The following MCM8 variants were observed in gnomAD, a reference collection of about 807,000 sequenced individuals.
The protein encoded by MCM8 is minichromosome maintenance 8 homologous recombination repair factor.
Under a neutral mutation model 98.9 loss-of-function variants are expected in MCM8, and 85 were observed. The observed-to-expected ratio is 0.86, with a 90% CI of 0.72 to 1.03. The LOEUF is 1.03. Among genes scored for constraint, MCM8 ranks in the 50% least tolerant of loss-of-function variants. The probability of loss-of-function intolerance (pLI) is 0.00; values close to 1 mark genes in which losing one functional copy is unlikely to be tolerated. For synonymous variants in MCM8, 352 were observed against 338.6 expected (o/e 1.04, Z -0.44); for missense variants, 951 against 997.8 (o/e 0.95, Z 0.63).
At chr20:5,956,107 G>T (rs536017715) in intron 5 of MCM8, among the ~76,000 whole-genome samples, 29 of 152,282 alleles carry the variant, frequency 1.9e-4, no homozygotes, top group African/African-American at 7.0e-4. Context: ...CATGCTTCAA[G>T]GTAATGAATA....
At chr20:5,967,733 A>G (rs2089306621) in intron 9 of MCM8, 97 bp from the exon 10 acceptor site, 2 of 1,348,150 alleles carry the variant, frequency 1.5e-6, no homozygotes, top group Non-Finnish European at 2.0e-6. Context: ...AAAAACATGT[A>G]TTTGTAGCTC....
intron 15 of MCM8, 29 bp downstream of exon 15, chr20:5,985,029 T>G: frequency 1.9e-6 from 3 of 1,581,056 alleles, no homozygotes; most frequent in Non-Finnish European, 1.7e-6. Context: ...CTTATTCAGT[T>G]TGGTTCTGTT....
chr20:5,973,195 A>G lies in MCM8; in HGVS notation c.1394A>G (p.Gln465Arg). The G allele has an allele frequency of 6.2e-7, 1 of 1,613,892 alleles. No homozygotes were observed. The highest frequency in any genetic ancestry group is 8.5e-7 in the Non-Finnish European group (1 of 1,179,862). Residue 465 changes from glutamine (Q) to arginine (R), a missense_variant and splice_region_variant, in exon 12 of 19, where the codon CAG becomes CGG. Coordinates refer to ENST00000610722, the MANE Select transcript of MCM8 (RefSeq NM_032485.6). ...GGCCTAGGAAAAAGTCAAATGCTAC[A>G]GGTAGACAATCAGTCATTTAGTGTT... is the stretch of plus-strand genomic sequence containing the variant. Reference protein sequence around the residue: ...DPGLGKSQMLQAACNVAPRGV... With the variant: ...DPGLGKSQMLRAACNVAPRGV...
At position 5,971,371 on chromosome 20, in the gene MCM8, C is replaced by T. The variant is rs563500150; in HGVS notation, c.1224-636C>T. ...CTTTGGTCTCTACAACCTCTTGCAT[C>T]CCAAACATTCCTTTCTATTGATCCC... On this transcript the variant is annotated intron_variant, in intron 10 of 18. Transcript: ENST00000610722. 2.4e-4 allele frequency among the ~76,000 whole-genome samples: 37 copies of T among 152,338 alleles called. 1 individual carries two copies. In the South Asian group the frequency reaches 7.2e-3, roughly 30 times the overall value.
chr20:5,985,624 C>T (rs1045871537), intron 15 of MCM8, among the ~76,000 whole-genome samples: 5 of 152,066 alleles, frequency 3.3e-5, no homozygotes, highest in Admixed American at 2.6e-4. Flanking sequence ...TGGCTCACTG[C>T]AACCTCTGTC....
chr20:5,991,450 T>C (rs1225130334), intron 17 of MCM8: 1 of 152,142 alleles, frequency 6.6e-6, no homozygotes, highest in Non-Finnish European at 1.5e-5. Context: ...AAGTTTCAGA[T>C]CAGTTTACAT....
At chr20:5,983,236 TC>T in intron 14 of MCM8, 71 bp downstream of exon 14, 2 of 1,292,980 alleles carry the variant, frequency 1.5e-6, no homozygotes, top group Non-Finnish European at 2.1e-6. Flanking sequence ...AAGAAATAGT[TC>T]ACAGAACTAC....
At chr20:5,951,571 T>G (rs1371077014) in intron 1 of MCM8, among the ~76,000 whole-genome samples, 1 of 152,202 alleles carries the variant, frequency 6.6e-6, no homozygotes, top group Non-Finnish European at 1.5e-5. Context: ...GGATTGACTG[T>G]ATGTAAGAAG....
intron 12 of MCM8, among the ~76,000 whole-genome samples, chr20:5,977,564 T>G (rs2089538342): frequency 1.3e-5 from 2 of 152,202 alleles, no homozygotes; most frequent in Non-Finnish European, 2.9e-5. Flanking sequence ...AACTTGAAAA[T>G]GAAGCATAAA....
intron 10 of MCM8, among the ~76,000 whole-genome samples, chr20:5,969,148 A>G (rs981818060): frequency 6.6e-6 from 1 of 152,246 alleles, no homozygotes; most frequent in African/African-American, 2.4e-5. Flanking sequence ...TGTACTTAAC[A>G]TAACTACTGC....
intron 14 of MCM8, 144 bp downstream of exon 14, chr20:5,983,309 C>A: frequency 1.5e-6 from 1 of 680,646 alleles, no homozygotes; most frequent in Non-Finnish European, 2.4e-6. Flanking sequence ...CAAAAATGTG[C>A]TTAAACACTG....
chr20:5,971,513 A>G (rs916675516), intron 10 of MCM8, among the ~76,000 whole-genome samples: 1 of 152,320 alleles, frequency 6.6e-6, no homozygotes. Context: ...TCTACAAATC[A>G]CTGCACCTGG....
At chr20:5,967,381 T>G in intron 8 of MCM8, 55 bp from the exon 9 acceptor site, 1 of 1,523,976 alleles carries the variant, frequency 6.6e-7, no homozygotes, top group Non-Finnish European at 9.0e-7. Flanking sequence ...AGTTAATATC[T>G]TGCAGAAACC....
chr20:5,954,071 A>G (rs1057200683), intron 3 of MCM8, among the ~76,000 whole-genome samples: 1 of 152,044 alleles, frequency 6.6e-6, no homozygotes, highest in Non-Finnish European at 1.5e-5. Flanking sequence ...AGCCTTCACC[A>G]TCTGTGCTTC....
chr20:5,985,053 T>C (rs1193654983), intron 15 of MCM8, 53 bp downstream of exon 15: 1 of 1,457,266 alleles, frequency 6.9e-7, no homozygotes, highest in Non-Finnish European at 9.6e-7. Flanking sequence ...ATGTCAAAGT[T>C]CAGTGTGTGG....
intron 10 of MCM8, among the ~76,000 whole-genome samples, chr20:5,971,545 G>T (rs1236439097): frequency 6.6e-6 from 1 of 152,076 alleles, no homozygotes; most frequent in South Asian, 2.1e-4. Flanking sequence ...TATTTAATTT[G>T]ACCTTTTGAC....
intron 10 of MCM8, among the ~76,000 whole-genome samples, chr20:5,971,466 A>C (rs752047133): frequency 5.9e-5 from 9 of 152,262 alleles, no homozygotes; most frequent in Non-Finnish European, 1.2e-4. Context: ...CTGGAAGCCC[A>C]TGCTTTGAGT....
At chr20:5,954,004 C>T (rs1316462038) in intron 3 of MCM8, among the ~76,000 whole-genome samples, 1 of 152,152 alleles carries the variant, frequency 6.6e-6, no homozygotes, top group Non-Finnish European at 1.5e-5. Flanking sequence ...GCAGATAGCT[C>T]AGAACACTAT....
At chr20:5,977,079 G>A (rs1006604056) in intron 12 of MCM8, among the ~76,000 whole-genome samples, 1 of 152,110 alleles carries the variant, frequency 6.6e-6, no homozygotes, top group Non-Finnish European at 1.5e-5. Flanking sequence ...GTGTTATAAG[G>A]TTTCTCAGAA....
Sources: allele counts gnomAD v4.1 joint callset (sites outside exome capture counted in the v4.1 genomes callset), GRCh38; gene constraint gnomAD v4.1.1; transcripts MANE v1.5; gene names NCBI Gene and HGNC (gene_info 2026-07-23, HGNC 2026-07-21).